The following FHIT variants were observed in gnomAD, a reference collection of about 807,000 sequenced individuals.
The protein encoded by FHIT is bis(5'-adenosyl)-triphosphatase.
In FHIT, 19 loss-of-function variants were observed where a neutral mutation model predicts 17.9. The observed-to-expected ratio is 1.06, with a 90% CI of 0.74 to 1.56. The LOEUF is 1.56. FHIT is among the 40% of genes most tolerant of loss of function. The probability of loss-of-function intolerance (pLI) is 0.00; values close to 1 mark genes in which losing one functional copy is unlikely to be tolerated. For missense variants in FHIT, 248 were observed against 189.2 expected (o/e 1.31, Z -1.82); for synonymous variants, 81 against 69.7 (o/e 1.16, Z -0.81).
At chr3:60,562,353 T>C (rs909319321) in intron 4 of FHIT, among the ~76,000 whole-genome samples, 7 of 152,118 alleles carry the variant, frequency 4.6e-5, no homozygotes, top group Non-Finnish European at 1.0e-4. Context: ...AAAACATACA[T>C]TGGGATAATG....
intron 3 of FHIT, among the ~76,000 whole-genome samples, chr3:60,950,328 T>G (rs1553776890): frequency 6.6e-6 from 1 of 152,218 alleles, no homozygotes; most frequent in Non-Finnish European, 1.5e-5. Context: ...TCATATTTAT[T>G]GAGAGCTGTT....
rs867258086 is a variant in FHIT, at chr3:60,485,907, T to C, written c.103+50953A>G. Among the ~76,000 whole-genome samples, 31 of 151,804 alleles carry C rather than the reference T, an allele frequency of 2.0e-4. No individual in the cohort carries two copies. In the Middle Eastern group the frequency reaches 0.01, roughly 50 times the overall value. ...CCAACCTATAATTACTAATTACTAATTGCAGTGAGATCAGAGAAAAAATAA... is the reference window on the plus strand; with the variant it reads ...CCAACCTATAATTACTAATTACTAACTGCAGTGAGATCAGAGAAAAAATAA... On this transcript the variant is annotated intron_variant, in intron 5 of 9. Transcript: ENST00000492590.
intron 7 of FHIT, among the ~76,000 whole-genome samples, chr3:59,998,948 G>A (rs567912713): frequency 6.5e-4 from 99 of 152,150 alleles, no homozygotes; most frequent in African/African-American, 2.3e-3. Context: ...AACACAACTT[G>A]CCTCCCTCCG....
Position 60,614,831 on chromosome 3 carries a change from G to GTT in FHIT, c.-17-77854_-17-77853dup, listed in dbSNP as rs1327062142. 4.7e-4 allele frequency among the ~76,000 whole-genome samples: 25 copies of GTT among 53,482 alleles called. 1 individual carries two copies. Among genetic ancestry groups the GTT allele is most frequent in the Non-Finnish European group, 6.2e-4 (14 of 22,708 alleles). The allele number at this position is 53,482 out of a possible 152,430, so 35.1% of individuals were successfully genotyped here. A position where few individuals can be genotyped will look rare whatever the true frequency, so the allele number is the denominator to read the frequency against. On this transcript the variant is annotated intron_variant, in intron 4 of 9. Transcript: ENST00000492590. ...GTTGTTTTTTTTTTGTTTTTTTTTTGTTTTTTTTTTGTTTTTTGAGATGGA... is the reference window on the plus strand; with the variant it reads ...GTTGTTTTTTTTTTGTTTTTTTTTTGTTTTTTTTTTTTGTTTTTTGAGATGGA...
chr3:60,299,745 A>T (rs540264314), intron 5 of FHIT, among the ~76,000 whole-genome samples: 1 of 152,202 alleles, frequency 6.6e-6, no homozygotes, highest in South Asian at 2.1e-4. Context: ...GCTTTCTGTA[A>T]TACCAACCTG....
chr3:60,569,724 ACTATATATATAT>A, intron 4 of FHIT, among the ~76,000 whole-genome samples: 2 of 33,698 alleles, frequency 5.9e-5, no homozygotes, highest in African/African-American at 2.0e-4. Flanking sequence ...ATTTATTAAT[ACTATATATATAT>A]ATATATATAT....
chr3:60,384,193 G>A (rs747356532), intron 5 of FHIT, among the ~76,000 whole-genome samples: 63 of 151,716 alleles, frequency 4.2e-4, no homozygotes, highest in African/African-American at 1.4e-3. Context: ...ACTTGAACCC[G>A]GGAGGCAAAG....
At chr3:60,863,431 A>T (rs1029424562) in intron 3 of FHIT, among the ~76,000 whole-genome samples, 1 of 152,228 alleles carries the variant, frequency 6.6e-6, no homozygotes, top group Non-Finnish European at 1.5e-5. Context: ...CACTAAATTC[A>T]TCATAGTTTG....
At chr3:59,761,847 C>T (rs1220454038) in intron 8 of FHIT, among the ~76,000 whole-genome samples, 3 of 152,116 alleles carry the variant, frequency 2.0e-5, no homozygotes, top group African/African-American at 7.2e-5. Context: ...CTGCCCGCCT[C>T]GGCCTCCCAA....
At chr3:61,087,339 ATAT>A (rs1409250509) in intron 2 of FHIT, among the ~76,000 whole-genome samples, 2 of 152,166 alleles carry the variant, frequency 1.3e-5, no homozygotes, top group African/African-American at 4.8e-5. Flanking sequence ...CCACTTTTGT[ATAT>A]TATTATACAG....
intron 5 of FHIT, among the ~76,000 whole-genome samples, chr3:60,475,910 T>C (rs775440921): frequency 1.3e-5 from 2 of 152,066 alleles, no homozygotes; most frequent in Non-Finnish European, 2.9e-5. Context: ...TTTCCACTCA[T>C]GCCCAGATTT....
At chr3:61,136,801 T>C (rs1325162731) in intron 2 of FHIT, among the ~76,000 whole-genome samples, 1 of 152,134 alleles carries the variant, frequency 6.6e-6, no homozygotes, top group Non-Finnish European at 1.5e-5. Flanking sequence ...AGGACTATCA[T>C]GCTGTTATAA....
At chr3:60,852,857 C>CA (rs1553748823) in intron 3 of FHIT, among the ~76,000 whole-genome samples, 1 of 151,296 alleles carries the variant, frequency 6.6e-6, no homozygotes, top group South Asian at 2.1e-4. Context: ...AAGATTTTTT[C>CA]AAAAAAAGAA....
At chr3:60,499,044 T>TATAA (rs3060310) in intron 5 of FHIT, among the ~76,000 whole-genome samples, 87,373 of 151,320 alleles carry the variant, frequency 0.58, 25,981 homozygotes, top group African/African-American at 0.72. Context: ...CTATAGTTCC[T>TATAA]ATAAATGCTT....
At chr3:59,955,434 C>T (rs927995157) in intron 7 of FHIT, among the ~76,000 whole-genome samples, 3 of 152,184 alleles carry the variant, frequency 2.0e-5, no homozygotes, top group South Asian at 2.1e-4. Flanking sequence ...TCTTATCTTC[C>T]CCAGCGACAC....
chr3:61,173,828 T>C (rs1300490484), intron 2 of FHIT, among the ~76,000 whole-genome samples: 1 of 152,246 alleles, frequency 6.6e-6, no homozygotes, highest in East Asian at 1.9e-4. Context: ...TCTTCACTAC[T>C]CTTTGCTTAA....
At position 60,280,565 on chromosome 3, in the gene FHIT, G is replaced by GTTC. The variant is rs1276226152; in HGVS notation, c.103+256294_103+256295insGAA. Reference sequence around the variant, plus strand: ...TGTGACCAGGAACACAGAGATCACTGTCACACCCACACCCACAACCCAAAG... The same window carrying GTTC: ...TGTGACCAGGAACACAGAGATCACTGTTCTCACACCCACACCCACAACCCAAAG... On this transcript the variant is annotated intron_variant, in intron 5 of 9. Coordinates refer to ENST00000492590, the MANE Select transcript of FHIT (RefSeq NM_002012.4). Among the ~76,000 whole-genome samples the GTTC allele has an allele frequency of 3.3e-5, 5 of 152,208 alleles. No individual in the cohort carries two copies. The East Asian group carries it at 7.7e-4, about 24-fold the overall frequency.
At chr3:59,875,606 GT>G (rs962027730) in intron 8 of FHIT, among the ~76,000 whole-genome samples, 3 of 151,696 alleles carry the variant, frequency 2.0e-5, no homozygotes, top group African/African-American at 7.3e-5. Context: ...TTGCTTACAA[GT>G]TTTTTTTTAT....
intron 2 of FHIT, among the ~76,000 whole-genome samples, chr3:61,197,837 C>A (rs2038897577): frequency 6.6e-6 from 1 of 152,052 alleles, no homozygotes; most frequent in African/African-American, 2.4e-5. Context: ...GGGATGACTT[C>A]TCCGCTTCTC....
Sources: gnomAD v4.1 joint callset for allele counts (sites outside exome capture counted in the v4.1 genomes callset) on GRCh38, gnomAD v4.1.1 for gene constraint, MANE v1.5 for transcripts, NCBI Gene and HGNC (gene_info 2026-07-23, HGNC 2026-07-21) for gene names.